Variants in NRXN3 observed in about 807,000 individuals in gnomAD.
NRXN3 encodes the protein neurexin III.
NRXN3 carries 32 observed loss-of-function variants against 137.6 expected under a neutral mutation model. The observed-to-expected ratio is 0.23, with a 90% CI of 0.18 to 0.31. The LOEUF is 0.31. Ranked by LOEUF, NRXN3 falls within the 10% of genes least tolerant of loss-of-function variation. NRXN3 has a pLI of 1.00. For missense variants in NRXN3, 1,574 were observed against 2,062.5 expected (o/e 0.76, Z 4.59); for synonymous variants, 798 against 784.5 (o/e 1.02, Z -0.29).
At chr14:79,388,256 C>A (rs925608914) in intron 15 of NRXN3, among the ~76,000 whole-genome samples, 7 of 152,082 alleles carry the variant, frequency 4.6e-5, no homozygotes, top group Non-Finnish European at 5.9e-5. Flanking sequence ...TGAGCAGATG[C>A]CAGCATCATG....
intron 15 of NRXN3, among the ~76,000 whole-genome samples, chr14:79,431,215 A>G (rs1301478887): frequency 6.6e-6 from 1 of 152,220 alleles, no homozygotes; most frequent in Non-Finnish European, 1.5e-5. Flanking sequence ...TCTGAGAAGC[A>G]AATACCTGGC....
At chr14:78,373,146 A>T (rs537186329) in intron 4 of NRXN3, among the ~76,000 whole-genome samples, 1 of 152,208 alleles carries the variant, frequency 6.6e-6, no homozygotes, top group Non-Finnish European at 1.5e-5. Context: ...TATATTAAAC[A>T]TTGGAGGTCG....
intron 20 of NRXN3, among the ~76,000 whole-genome samples, chr14:79,806,299 C>A (rs926207926): frequency 6.6e-6 from 1 of 152,112 alleles, no homozygotes; most frequent in Non-Finnish European, 1.5e-5. Flanking sequence ...TAAAAACCTT[C>A]CATTTCTGAC....
chr14:79,499,956 CGT>C (rs35371414), intron 16 of NRXN3, among the ~76,000 whole-genome samples: 56,895 of 144,908 alleles, frequency 0.39, 12,162 homozygotes, highest in East Asian at 0.49. Context: ...ATCTTAGGGT[CGT>C]GTGTGTGTGT....
chr14:78,338,219 T>C (rs1186026148), intron 4 of NRXN3, among the ~76,000 whole-genome samples: 4 of 152,152 alleles, frequency 2.6e-5, no homozygotes, highest in Non-Finnish European at 4.4e-5. Context: ...CCATCTGACA[T>C]GGTAGCCATT....
intron 16 of NRXN3, among the ~76,000 whole-genome samples, chr14:79,584,146 G>A (rs1183160800): frequency 6.6e-6 from 1 of 152,034 alleles, no homozygotes; most frequent in African/African-American, 2.4e-5. Context: ...CTTTGGTCAG[G>A]GTGACAAATG....
intron 8 of NRXN3, 105 bp downstream of exon 8, chr14:78,715,244 C>G (rs1280933248): frequency 7.1e-7 from 1 of 1,406,654 alleles, no homozygotes; most frequent in Non-Finnish European, 9.5e-7. Context: ...CACTTTCTTT[C>G]TTCCAAGAGT....
intron 4 of NRXN3, among the ~76,000 whole-genome samples, chr14:78,324,249 G>T (rs1005672617): frequency 2.0e-5 from 3 of 152,038 alleles, no homozygotes; most frequent in African/African-American, 7.3e-5. Flanking sequence ...AATGGACATG[G>T]AAGGACTGTG....
At chr14:78,205,534 G>C (rs1335822983) in intron 1 of NRXN3, among the ~76,000 whole-genome samples, 1 of 152,220 alleles carries the variant, frequency 6.6e-6, no homozygotes, top group Admixed American at 6.5e-5. Flanking sequence ...AGGAATTGAG[G>C]TGAAAGATCA....
At chr14:78,878,315 G>T (rs184156626) in intron 10 of NRXN3, among the ~76,000 whole-genome samples, 1 of 152,154 alleles carries the variant, frequency 6.6e-6, no homozygotes, top group East Asian at 1.9e-4. Flanking sequence ...AGTCCAGAGG[G>T]CACAAGTAAC....
At chr14:79,035,947 C>T (rs981988813) in intron 15 of NRXN3, among the ~76,000 whole-genome samples, 3 of 151,976 alleles carry the variant, frequency 2.0e-5, no homozygotes, top group African/African-American at 7.2e-5. Flanking sequence ...ATTTTAGTAT[C>T]TAGTTAATAA....
intron 4 of NRXN3, among the ~76,000 whole-genome samples, chr14:78,389,554 T>G (rs865949424): frequency 6.6e-5 from 10 of 152,250 alleles, no homozygotes; most frequent in African/African-American, 1.4e-4. Flanking sequence ...TTATATAAAA[T>G]GTTTATGTCA....
rs368905915 is a variant in NRXN3, at chr14:79,822,157, A to G, written c.4093+16967A>G. Reference sequence around the variant, plus strand: ...GTGGGGACTGGAAGTCTCCTGTGGCACAGACTCAAATATATGCTCTAGTGA... The same window carrying G: ...GTGGGGACTGGAAGTCTCCTGTGGCGCAGACTCAAATATATGCTCTAGTGA... On this transcript the variant is annotated intron_variant, in intron 20 of 20. Coordinates refer to ENST00000335750, the MANE Select transcript of NRXN3 (RefSeq NM_001330195.2). 1.2e-4 allele frequency among the ~76,000 whole-genome samples: 18 copies of G among 152,282 alleles called. No homozygotes were observed. The East Asian group carries it at 2.1e-3, about 18-fold the overall frequency.
intron 19 of NRXN3, among the ~76,000 whole-genome samples, chr14:79,796,529 A>G (rs922293207): frequency 8.6e-5 from 13 of 151,266 alleles, no homozygotes; most frequent in South Asian, 2.1e-4. Flanking sequence ...AAGTGGGGGG[A>G]AAAAAAAATT....
chr14:78,794,624 GTGTGTGTGTGTA>G (rs1414563788), intron 8 of NRXN3, among the ~76,000 whole-genome samples: 5 of 151,612 alleles, frequency 3.3e-5, no homozygotes, highest in African/African-American at 1.2e-4. Context: ...GTGTGTGTGT[GTGTGTGTGTGTA>G]TATAATATAT....
intron 15 of NRXN3, among the ~76,000 whole-genome samples, chr14:79,278,357 C>T (rs2080645155): frequency 6.6e-6 from 1 of 152,154 alleles, no homozygotes; most frequent in Admixed American, 6.5e-5. Flanking sequence ...GGGGTGGATG[C>T]CGCCTAGTCC....
At chr14:78,410,931 T>C (rs541832938) in intron 4 of NRXN3, among the ~76,000 whole-genome samples, 2 of 152,278 alleles carry the variant, frequency 1.3e-5, no homozygotes, top group African/African-American at 4.8e-5. Flanking sequence ...GGCCCTGAGA[T>C]AGGCAGCTTG....
chr14:79,199,649 T>C (rs1286597346), intron 15 of NRXN3, among the ~76,000 whole-genome samples: 1 of 152,108 alleles, frequency 6.6e-6, no homozygotes, highest in African/African-American at 2.4e-5. Context: ...GAGATAGAAA[T>C]GTGGATGAGG....
chr14:78,700,958 G>C (rs2098272390), intron 6 of NRXN3, among the ~76,000 whole-genome samples: 1 of 152,048 alleles, frequency 6.6e-6, no homozygotes, highest in Admixed American at 6.6e-5. Context: ...TTTTAGTAGG[G>C]ACGGGGTTTC....
Sources: allele counts gnomAD v4.1 joint callset (sites outside exome capture counted in the v4.1 genomes callset), GRCh38; gene constraint gnomAD v4.1.1; transcripts MANE v1.5; gene names NCBI Gene and HGNC (gene_info 2026-07-23, HGNC 2026-07-21).